Variants in FRMD5 observed in about 807,000 individuals in gnomAD.
FRMD5 encodes FERM domain-containing protein 5.
Under a neutral mutation model 69.0 loss-of-function variants are expected in FRMD5, and 20 were observed. The observed-to-expected ratio is 0.29, with a 90% CI of 0.20 to 0.42. FRMD5 has a LOEUF of 0.42. FRMD5 is among the 10% of genes least tolerant of loss of function. The probability of loss-of-function intolerance (pLI) is 1.00; values close to 1 mark genes in which losing one functional copy is unlikely to be tolerated. For synonymous variants in FRMD5, 271 were observed against 260.1 expected (o/e 1.04, Z -0.40); for missense variants, 595 against 708.6 (o/e 0.84, Z 1.82).
At chr15:43,982,498 A>G (rs1376465942) in intron 1 of FRMD5, among the ~76,000 whole-genome samples, 1 of 152,088 alleles carries the variant, frequency 6.6e-6, no homozygotes, top group Non-Finnish European at 1.5e-5. Context: ...CTGATCATAA[A>G]CTCAACTGCA....
Position 43,873,014 on chromosome 15 carries a change from A to ACTAT in FRMD5, c.*867_*870dup, listed in dbSNP as rs1041397670. The ACTAT allele has an allele frequency of 1.1e-4, 66 of 620,192 alleles. No individual in the cohort carries two copies. Among genetic ancestry groups the ACTAT allele is most frequent in the Middle Eastern group, 7.2e-4 (2 of 2,776 alleles). The allele number at this position is 620,192 out of a possible 1,614,324, so 38.4% of individuals were successfully genotyped here. ...CACTTTGTCCAACATTTCTGACAGA[A>ACTAT]CTATCTATCTCTGGTACCACTGAAT... On this transcript the variant is annotated 3_prime_UTR_variant, in exon 14 of 14. Coordinates refer to ENST00000417257, the MANE Select transcript of FRMD5 (RefSeq NM_032892.5).
chr15:43,883,862 A>T, intron 12 of FRMD5, 53 bp from the exon 13 acceptor site: 2 of 1,348,880 alleles, frequency 1.5e-6, no homozygotes, highest in South Asian at 2.3e-5. Context: ...CACATTTGGT[A>T]GGCACTTAAG....
At chr15:43,930,410 A>C (rs1037402254) in intron 1 of FRMD5, among the ~76,000 whole-genome samples, 1 of 151,964 alleles carries the variant, frequency 6.6e-6, no homozygotes, top group Non-Finnish European at 1.5e-5. Flanking sequence ...TCTGTTTCCT[A>C]CTCTCAGAAC....
intron 1 of FRMD5, among the ~76,000 whole-genome samples, chr15:44,118,457 G>C (rs1428532728): frequency 6.6e-6 from 1 of 152,052 alleles, no homozygotes; most frequent in Non-Finnish European, 1.5e-5. Context: ...TTAATACTCT[G>C]TATTATTTTA....
intron 13 of FRMD5, among the ~76,000 whole-genome samples, chr15:43,875,363 A>AAAAG (rs1366807150): frequency 9.5e-6 from 1 of 105,348 alleles, no homozygotes; most frequent in African/African-American, 4.0e-5. Flanking sequence ...AAAAAAAAAA[A>AAAAG]ATATATATAT....
At chr15:44,098,039 T>C (rs2076578418) in intron 1 of FRMD5, among the ~76,000 whole-genome samples, 1 of 150,818 alleles carries the variant, frequency 6.6e-6, no homozygotes, top group Non-Finnish European at 1.5e-5. Context: ...CCCTGTGTTA[T>C]GTGCATCAGC....
intron 1 of FRMD5, among the ~76,000 whole-genome samples, chr15:44,079,766 T>G (rs1200380797): frequency 1.3e-5 from 2 of 152,124 alleles, no homozygotes; most frequent in East Asian, 3.8e-4. Flanking sequence ...AATGGAATAT[T>G]GCTCAGCCTT....
intron 1 of FRMD5, among the ~76,000 whole-genome samples, chr15:43,951,748 A>T (rs1200641360): frequency 2.0e-5 from 3 of 152,174 alleles, no homozygotes; most frequent in Non-Finnish European, 4.4e-5. Flanking sequence ...GTTTGTTGTG[A>T]TGAGTGATGC....
At chr15:44,026,922 G>C (rs908779172) in intron 1 of FRMD5, among the ~76,000 whole-genome samples, 1 of 152,140 alleles carries the variant, frequency 6.6e-6, no homozygotes, top group Non-Finnish European at 1.5e-5. Context: ...TGCCTCTGGC[G>C]TAAGTAAATA....
intron 1 of FRMD5, among the ~76,000 whole-genome samples, chr15:44,185,981 C>T (rs2078093920): frequency 6.6e-6 from 1 of 152,136 alleles, no homozygotes; most frequent in Non-Finnish European, 1.5e-5. Context: ...GGCTGGAGTG[C>T]AATGGCGTGA....
rs182236607 is a variant in FRMD5 at position 44,182,043 on chromosome 15, C to A, written c.102+12910G>T. Among the ~76,000 whole-genome samples the A allele has an allele frequency of 2.8e-3, 424 of 150,128 alleles. 4 individuals are homozygous for A. Among genetic ancestry groups the A allele is most frequent in the African/African-American group, 0.01 (405 of 40,456 alleles). On this transcript the variant is annotated intron_variant, in intron 1 of 13. Transcript: ENST00000417257. The stretch of plus-strand genomic sequence containing the variant: ...TTTTTTTTTTTGAAACGGAGTCTCA[C>A]TCTGTCGCCCAGGCTGAAGTCTAGT...
intron 1 of FRMD5, among the ~76,000 whole-genome samples, chr15:44,144,816 G>A (rs141692576): frequency 0.011 from 1,706 of 152,214 alleles, 26 homozygotes; most frequent in Non-Finnish European, 0.018. Context: ...CCTTCCAAGC[G>A]TTTTAAAATG....
intron 4 of FRMD5, chr15:43,917,673 C>G (rs2089417754): frequency 6.6e-6 from 1 of 152,308 alleles, no homozygotes; most frequent in Non-Finnish European, 1.5e-5. Context: ...GCGTGAGCCA[C>G]CACACCTGGC....
intron 1 of FRMD5, among the ~76,000 whole-genome samples, chr15:44,013,202 A>AACAT (rs1890802978): frequency 6.6e-6 from 1 of 152,222 alleles, no homozygotes; most frequent in Non-Finnish European, 1.5e-5. Context: ...CAGCTTGGGC[A>AACAT]ACATAGCAAG....
intron 5 of FRMD5, among the ~76,000 whole-genome samples, chr15:43,908,943 T>A (rs1049043265): frequency 6.6e-6 from 1 of 152,174 alleles, no homozygotes; most frequent in Non-Finnish European, 1.5e-5. Context: ...AAATCAAGTC[T>A]GATTACACTC....
At chr15:43,901,500 G>A (rs958677582) in intron 7 of FRMD5, among the ~76,000 whole-genome samples, 5 of 152,168 alleles carry the variant, frequency 3.3e-5, no homozygotes, top group Admixed American at 2.6e-4. Context: ...AGGCAGAAAT[G>A]TGGAGAAACT....
chr15:44,141,335 A>C (rs1181481582), intron 1 of FRMD5, among the ~76,000 whole-genome samples: 1 of 152,192 alleles, frequency 6.6e-6, no homozygotes, highest in Non-Finnish European at 1.5e-5. Context: ...AAGACAAAAT[A>C]ATTAAAAGAG....
intron 1 of FRMD5, among the ~76,000 whole-genome samples, chr15:44,185,886 T>G (rs1026223774): frequency 1.1e-4 from 17 of 152,014 alleles, no homozygotes; most frequent in Non-Finnish European, 2.2e-4. Context: ...GTACATGAGA[T>G]CCTTATGTGA....
At chr15:43,924,847 T>G (rs2089555195) in intron 1 of FRMD5, among the ~76,000 whole-genome samples, 1 of 152,288 alleles carries the variant, frequency 6.6e-6, no homozygotes, top group Admixed American at 6.5e-5. Flanking sequence ...AATTTAGACA[T>G]CATCTCTTTC....
Sources: allele counts gnomAD v4.1 joint callset (sites outside exome capture counted in the v4.1 genomes callset), GRCh38; gene constraint gnomAD v4.1.1; transcripts MANE v1.5; gene names NCBI Gene and HGNC (gene_info 2026-07-23, HGNC 2026-07-21).